The following RBFOX1 variants were observed in gnomAD, a reference collection of about 807,000 sequenced individuals.
The protein encoded by RBFOX1 is RNA binding fox-1 homolog 1, also known as RNA binding protein fox-1 homolog 1.
In RBFOX1, 8 loss-of-function variants were observed where a neutral mutation model predicts 57.7. The ratio of observed to expected loss-of-function variants is 0.14; its 90% CI spans 0.08 to 0.25. The LOEUF is 0.25. Ranked by LOEUF, RBFOX1 falls within the 10% of genes least tolerant of loss-of-function variation. The pLI is 1.00. For missense variants in RBFOX1, 611 were observed against 548.5 expected (o/e 1.11, Z -1.14); for synonymous variants, 326 against 222.4 (o/e 1.47, Z -4.15).
chr16:6,633,563 G>T (rs939825744), intron 2 of RBFOX1, among the ~76,000 whole-genome samples: 9 of 152,094 alleles, frequency 5.9e-5, no homozygotes, highest in Non-Finnish European at 1.2e-4. Flanking sequence ...CAATGTGCTG[G>T]GATTACAGGC....
At chr16:7,514,912 T>A (rs1459786831) in intron 4 of RBFOX1, among the ~76,000 whole-genome samples, 1 of 152,198 alleles carries the variant, frequency 6.6e-6, no homozygotes, top group Non-Finnish European at 1.5e-5. Context: ...GGTGAAAGTA[T>A]CTTCTGCTGG....
intron 4 of RBFOX1, among the ~76,000 whole-genome samples, chr16:7,365,573 G>C (rs1448645983): frequency 6.6e-6 from 1 of 152,128 alleles, no homozygotes; most frequent in Non-Finnish European, 1.5e-5. Flanking sequence ...GACATCTACG[G>C]GATAGAGGCC....
intron 2 of RBFOX1, among the ~76,000 whole-genome samples, chr16:6,626,665 C>T (rs567030665): frequency 9.3e-4 from 141 of 152,152 alleles, no homozygotes; most frequent in Non-Finnish European, 1.6e-3. Context: ...GAGGCTGAGG[C>T]AGGAGAATTG....
At chr16:5,919,087 T>A (rs2058765313) in intron 4 of RBFOX1, among the ~76,000 whole-genome samples, 1 of 152,168 alleles carries the variant, frequency 6.6e-6, no homozygotes, top group East Asian at 1.9e-4. Context: ...TTTCAGCCTA[T>A]CACCTGATAG....
chr16:6,767,329 T>G (rs1004690236), intron 3 of RBFOX1, among the ~76,000 whole-genome samples: 1 of 152,104 alleles, frequency 6.6e-6, no homozygotes, highest in Non-Finnish European at 1.5e-5. Context: ...ACATTGAGCC[T>G]GAAATTGATG....
intron 14 of RBFOX1, among the ~76,000 whole-genome samples, chr16:7,706,878 A>G (rs1387943776): frequency 6.6e-6 from 1 of 152,236 alleles, no homozygotes; most frequent in East Asian, 1.9e-4. Flanking sequence ...CCCAGGTCTC[A>G]GGAGTGAGCT....
chr16:5,920,162 C>G (rs2058791183), intron 4 of RBFOX1, among the ~76,000 whole-genome samples: 1 of 152,122 alleles, frequency 6.6e-6, no homozygotes, highest in Non-Finnish European at 1.5e-5. Context: ...TCTCGATCTC[C>G]TGACCTTGTG....
chr16:5,544,317 A>T (rs1451581321), intron 2 of RBFOX1, among the ~76,000 whole-genome samples: 1 of 152,208 alleles, frequency 6.6e-6, no homozygotes, highest in Non-Finnish European at 1.5e-5. Context: ...AGCACATGTT[A>T]AGTAACTCAT....
At chr16:5,412,153 G>C (rs564984489) in intron 1 of RBFOX1, among the ~76,000 whole-genome samples, 1 of 151,824 alleles carries the variant, frequency 6.6e-6, no homozygotes, top group Non-Finnish European at 1.5e-5. Flanking sequence ...AAACGCCCAG[G>C]TTCTGGACCC....
intron 14 of RBFOX1, among the ~76,000 whole-genome samples, chr16:7,702,541 G>T (rs1050691499): frequency 3.3e-5 from 5 of 152,194 alleles, no homozygotes; most frequent in African/African-American, 9.6e-5. Context: ...GATTGACAAC[G>T]GATTCATTTA....
At chr16:7,685,265 A>G (rs566236059) in intron 14 of RBFOX1, among the ~76,000 whole-genome samples, 34 of 152,250 alleles carry the variant, frequency 2.2e-4, no homozygotes, top group African/African-American at 8.2e-4. Flanking sequence ...ATCTATCTTT[A>G]TAAATTATTG....
chr16:7,161,738 A>G (rs933736160), intron 4 of RBFOX1, among the ~76,000 whole-genome samples: 3 of 152,198 alleles, frequency 2.0e-5, no homozygotes, highest in African/African-American at 7.2e-5. Flanking sequence ...TTTATGACTC[A>G]TCTTTCTAGA....
Position 6,871,768 on chromosome 16 carries a change from C to G in RBFOX1, c.-15-180289C>G, listed in dbSNP as rs74693777. Among the ~76,000 whole-genome samples the G allele has an allele frequency of 5.5e-3, 830 of 152,282 alleles. 15 individuals are homozygous for G. The highest frequency in any genetic ancestry group is 0.019 in the African/African-American group (797 of 41,558). On this transcript the variant is annotated intron_variant, in intron 3 of 15. Coordinates refer to ENST00000550418, the MANE Select transcript of RBFOX1 (RefSeq NM_018723.4). Reference sequence around the variant, plus strand: ...CATCATTCTTGCTGAAATTTCTACTCTACCTTCCGCTGATTTTAGGATCAA... The same window carrying G: ...CATCATTCTTGCTGAAATTTCTACTGTACCTTCCGCTGATTTTAGGATCAA...
intron 4 of RBFOX1, among the ~76,000 whole-genome samples, chr16:7,366,450 C>A (rs764879898): frequency 2.0e-5 from 3 of 152,152 alleles, no homozygotes; most frequent in Non-Finnish European, 2.9e-5. Flanking sequence ...TCCGGTCCAG[C>A]CTTCTGCCTC....
At chr16:6,222,506 A>G (rs906942335) in intron 1 of RBFOX1, among the ~76,000 whole-genome samples, 4 of 151,800 alleles carry the variant, frequency 2.6e-5, no homozygotes, top group Non-Finnish European at 5.9e-5. Flanking sequence ...GGAGGATTGC[A>G]GATACATCAG....
rs183994779 is a variant in RBFOX1 at position 7,454,137 on chromosome 16, G to A, written c.28-64010G>A. Among the ~76,000 whole-genome samples the A allele has an allele frequency of 5.3e-3, 804 of 152,332 alleles. 4 individuals carry two copies. The highest frequency in any genetic ancestry group is 0.019 in the African/African-American group (779 of 41,568). ...AATCCCAGCTACTCAGGAGGCTAAG[G>A]CAGGAGAATCGCTTGAACTCAGGAG... On this transcript the variant is annotated intron_variant, in intron 4 of 15. Coordinates refer to ENST00000550418, the MANE Select transcript of RBFOX1 (RefSeq NM_018723.4).
chr16:5,437,941 G>A (rs1380411695), intron 1 of RBFOX1, among the ~76,000 whole-genome samples: 1 of 152,106 alleles, frequency 6.6e-6, no homozygotes, highest in Non-Finnish European at 1.5e-5. Flanking sequence ...TTTCCTTCTA[G>A]GGCAAATGAG....
chr16:6,448,955 G>A (rs111609812), intron 2 of RBFOX1, among the ~76,000 whole-genome samples: 24 of 152,186 alleles, frequency 1.6e-4, no homozygotes, highest in South Asian at 2.1e-4. Flanking sequence ...ATACATTTTC[G>A]TAAACTAATT....
intron 1 of RBFOX1, among the ~76,000 whole-genome samples, chr16:5,299,193 T>G (rs2063747170): frequency 6.6e-6 from 1 of 152,188 alleles, no homozygotes. Flanking sequence ...TATGCACTCC[T>G]TTATGCCTGG....
Sources: allele counts gnomAD v4.1 joint callset (sites outside exome capture counted in the v4.1 genomes callset), GRCh38; gene constraint gnomAD v4.1.1; transcripts MANE v1.5; gene names NCBI Gene and HGNC (gene_info 2026-07-23, HGNC 2026-07-21).